The following LRRC7 variants were observed in gnomAD, a reference collection of about 807,000 sequenced individuals.
The protein encoded by LRRC7 is leucine-rich repeat-containing protein 7.
LRRC7 carries 23 observed loss-of-function variants against 175.7 expected under a neutral mutation model. The ratio of observed to expected loss-of-function variants is 0.13; its 90% CI spans 0.09 to 0.19. The LOEUF (loss-of-function observed/expected upper bound fraction) is 0.19, where lower values mean the gene tolerates loss of function less well. Ranked by LOEUF, LRRC7 falls within the 10% of genes least tolerant of loss-of-function variation. The probability of loss-of-function intolerance (pLI) is 1.00; values close to 1 mark genes in which losing one functional copy is unlikely to be tolerated. For synonymous variants in LRRC7, 685 were observed against 680.9 expected, an observed-to-expected ratio of 1.01 and a Z score of -0.09; for missense variants, 1,354 against 1,904.7, an observed-to-expected ratio of 0.71 and a Z score of 5.38.
chr1:70,005,912 A>AACTTCACACAACAAAGTAC (rs1463770860), intron 11 of LRRC7, among the ~76,000 whole-genome samples: 111 of 150,800 alleles, frequency 7.4e-4, no homozygotes, highest in Middle Eastern at 3.4e-3. Context: ...TACTTCACAC[A>AACTTCACACAACAAAGTAC]TTCTTTGCAA....
At chr1:69,865,473 T>TTTTTTTTTTTTTTTTTTC (rs1684832505) in intron 7 of LRRC7, among the ~76,000 whole-genome samples, 1 of 80,016 alleles carries the variant, frequency 1.2e-5, no homozygotes, top group Non-Finnish European at 2.6e-5. Flanking sequence ...CAGTTCCTTT[T>TTTTTTTTTTTTTTTTTTC]TTTTTTTTTT....
intron 25 of LRRC7, among the ~76,000 whole-genome samples, chr1:70,101,479 C>G (rs1664804100): frequency 6.6e-6 from 1 of 152,152 alleles, no homozygotes; most frequent in Non-Finnish European, 1.5e-5. Flanking sequence ...CAATCGTTCA[C>G]CTTCATCATT....
intron 7 of LRRC7, among the ~76,000 whole-genome samples, chr1:69,907,727 T>C (rs1646368364): frequency 6.6e-6 from 1 of 152,190 alleles, no homozygotes; most frequent in Non-Finnish European, 1.5e-5. Context: ...ATTCTCTTTT[T>C]TGGTTGTGTC....
At chr1:70,037,664 G>A (rs956289691) in intron 20 of LRRC7, among the ~76,000 whole-genome samples, 1 of 152,046 alleles carries the variant, frequency 6.6e-6, no homozygotes, top group Non-Finnish European at 1.5e-5. Context: ...TCCAGGAATG[G>A]GTATCAGGAA....
chr1:69,573,971 T>C (rs1434191844), intron 1 of LRRC7, among the ~76,000 whole-genome samples: 1 of 152,140 alleles, frequency 6.6e-6, no homozygotes, highest in Non-Finnish European at 1.5e-5. Flanking sequence ...TCTTCAGTTG[T>C]GCCAGGATAT....
At chr1:69,926,105 G>A in intron 7 of LRRC7, among the ~76,000 whole-genome samples, 1 of 151,562 alleles carries the variant, frequency 6.6e-6, no homozygotes, top group Non-Finnish European at 1.5e-5. Context: ...ATGTAGTTGA[G>A]CGGTTTTGAG....
At position 69,980,435 on chromosome 1, in the gene LRRC7, A is replaced by C. The variant is rs1310352890; in HGVS notation, c.768A>C (p.Ala256=). The C allele has an allele frequency of 6.2e-7, 1 of 1,611,402 alleles. No individual in the cohort carries two copies. The highest frequency in any genetic ancestry group is 8.5e-7 in the Non-Finnish European group (1 of 1,178,394). Reference sequence around the variant, plus strand: ...GGGAGTTATGGATGGATAATAATGCATTACAAGTGTTACCTGGGGTATGTA... The same window carrying C: ...GGGAGTTATGGATGGATAATAATGCCTTACAAGTGTTACCTGGGGTATGTA... ...NLRELWMDNN[A]LQVLPGSIGK... is the part of the protein sequence containing the mutation. The change falls in exon 9 of 27, where the codon GCA becomes GCC. Residue 256 remains alanine (A), a synonymous_variant. Transcript: ENST00000651989.
intron 22 of LRRC7, among the ~76,000 whole-genome samples, chr1:70,051,325 C>G (rs1358426844): frequency 6.6e-6 from 1 of 151,954 alleles, no homozygotes; most frequent in Non-Finnish European, 1.5e-5. Flanking sequence ...AGCAAACAAA[C>G]TAAGTCAGAA....
At chr1:70,028,710 T>A (rs773986719) in intron 18 of LRRC7, among the ~76,000 whole-genome samples, 1 of 152,174 alleles carries the variant, frequency 6.6e-6, no homozygotes, top group Non-Finnish European at 1.5e-5. Flanking sequence ...TAAGAAAGAC[T>A]AATCCAAGGT....
intron 1 of LRRC7, among the ~76,000 whole-genome samples, chr1:69,610,317 T>C (rs868333978): frequency 1.1e-4 from 17 of 152,206 alleles, no homozygotes; most frequent in Middle Eastern, 3.4e-3. Flanking sequence ...TCAAAATCAG[T>C]TTTTCTTTGG....
chr1:69,877,736 G>T (rs977068636), intron 7 of LRRC7, among the ~76,000 whole-genome samples: 2 of 152,008 alleles, frequency 1.3e-5, no homozygotes, highest in African/African-American at 4.8e-5. Flanking sequence ...GTCCTTTTCT[G>T]AACATTTCAT....
intron 15 of LRRC7, 194 bp from the exon 16 acceptor site, chr1:70,020,811 C>T (rs1657406356): frequency 2.7e-6 from 1 of 367,426 alleles, no homozygotes; most frequent in East Asian, 5.8e-5. Flanking sequence ...GTTAAGATTA[C>T]AAAAGACCAT....
chr1:70,025,418 A>G (rs1402729178), intron 17 of LRRC7, among the ~76,000 whole-genome samples: 2 of 151,972 alleles, frequency 1.3e-5, no homozygotes, highest in Admixed American at 1.3e-4. Flanking sequence ...ATAATTGAAA[A>G]AAGATCCAGA....
chr1:70,036,774 A>T, intron 20 of LRRC7, 150 bp downstream of exon 20: 1 of 761,218 alleles, frequency 1.3e-6, no homozygotes, highest in Non-Finnish European at 2.1e-6. Context: ...TTCGCCTGGG[A>T]CTGCCAGGAA....
chr1:69,595,857 G>C (rs1646821027), intron 1 of LRRC7, among the ~76,000 whole-genome samples: 1 of 151,914 alleles, frequency 6.6e-6, no homozygotes, highest in African/African-American at 2.4e-5. Context: ...TAAGTCTCCA[G>C]TCACTTTTCC....
rs552541283 is a variant in LRRC7, at chr1:69,741,752, C to G, written c.101-18439C>G. 5.1e-4 allele frequency among the ~76,000 whole-genome samples: 77 copies of G among 152,056 alleles called. 1 individual carries two copies. Among genetic ancestry groups the G allele is most frequent in the Non-Finnish European group, 9.7e-4 (66 of 67,960 alleles). ...TATGACTCTAATTTAGTCATTTATTCACTGGATTTTTTTTTGCTGTGTTCA... is the reference window on the plus strand; with the variant it reads ...TATGACTCTAATTTAGTCATTTATTGACTGGATTTTTTTTTGCTGTGTTCA... On this transcript the variant is annotated intron_variant, in intron 2 of 26. Transcript: ENST00000651989.
chr1:69,806,585 T>C (rs962203425), intron 4 of LRRC7, among the ~76,000 whole-genome samples: 5 of 152,054 alleles, frequency 3.3e-5, no homozygotes, highest in Non-Finnish European at 7.4e-5. Flanking sequence ...AATCTCCCTA[T>C]AATCTGCACT....
At chr1:69,977,273 GTATA>G (rs1652913715) in intron 8 of LRRC7, among the ~76,000 whole-genome samples, 1 of 151,976 alleles carries the variant, frequency 6.6e-6, no homozygotes, top group Non-Finnish European at 1.5e-5. Flanking sequence ...ATAGGATAGA[GTATA>G]TATACAGAAC....
intron 6 of LRRC7, among the ~76,000 whole-genome samples, 175 bp from the exon 7 acceptor site, chr1:69,838,052 A>C (rs1310213713): frequency 2.6e-5 from 4 of 151,756 alleles, no homozygotes; most frequent in African/African-American, 4.8e-5. Context: ...CCATCACTTC[A>C]AGCTTTTATC....
Sources: allele counts gnomAD v4.1 joint callset (sites outside exome capture counted in the v4.1 genomes callset), GRCh38; gene constraint gnomAD v4.1.1; transcripts MANE v1.5; gene names NCBI Gene and HGNC (gene_info 2026-07-23, HGNC 2026-07-21).